Variants in SLC9B1 observed in about 807,000 individuals in gnomAD.
SLC9B1 encodes the protein solute carrier family 9 member B1.
A neutral mutation model predicts 51.7 loss-of-function variants in SLC9B1; 32 were observed. The ratio of observed to expected loss-of-function variants is 0.62; its 90% CI spans 0.47 to 0.83. The LOEUF is 0.83. Among genes scored for constraint, SLC9B1 ranks in the 40% least tolerant of loss-of-function variants. The pLI is 0.00. For missense variants in SLC9B1, 406 were observed against 613.2 expected (o/e 0.66, Z 3.57); for synonymous variants, 145 against 212.7 (o/e 0.68, Z 2.77).
intron 3 of SLC9B1, among the ~76,000 whole-genome samples, chr4:102,959,251 C>T (rs1280279146): frequency 1.3e-5 from 2 of 151,958 alleles, no homozygotes; most frequent in Admixed American, 1.3e-4. Flanking sequence ...CACACACACA[C>T]ACACACATAC....
chr4:102,921,730 T>C (rs1312117073), intron 7 of SLC9B1, among the ~76,000 whole-genome samples: 1 of 151,852 alleles, frequency 6.6e-6, no homozygotes, highest in Admixed American at 6.6e-5. Flanking sequence ...ACCAAACAAA[T>C]GGAAAGCAAA....
chr4:102,907,680 A>AT (rs1165542019), intron 9 of SLC9B1, among the ~76,000 whole-genome samples: 73 of 58,742 alleles, frequency 1.2e-3, no homozygotes, highest in East Asian at 2.2e-3. Flanking sequence ...TGGGTTTAAC[A>AT]TTTTTTTTTT....
rs202121892 is a variant in SLC9B1, at chr4:102,910,685, G to A, written c.937-97C>T. ...TATATTTTTGACCCTCTGATATTAT[G>A]TCTTTAAATGTTATATTAAATGTCT... On this transcript the variant is annotated intron_variant, in intron 8 of 11. Coordinates refer to ENST00000296422, the MANE Select transcript of SLC9B1 (RefSeq NM_139173.4). 7.3e-5 allele frequency: 38 copies of A among 517,192 alleles called. No homozygotes were observed. In the East Asian group the frequency reaches 1.7e-3, roughly 23 times the overall value. The allele number at this position is 517,192 out of a possible 1,614,324, so 32.0% of individuals were successfully genotyped here.
intron 1 of SLC9B1, 58 bp downstream of exon 1, chr4:103,019,541 G>C: frequency 1.0e-6 from 1 of 979,332 alleles, no homozygotes; most frequent in Non-Finnish European, 1.2e-6. Context: ...GATCGCGGCA[G>C]ACCCGGGACT....
chr4:103,000,684 T>G (rs1740472972), intron 1 of SLC9B1, among the ~76,000 whole-genome samples: 1 of 152,238 alleles, frequency 6.6e-6, no homozygotes, highest in Non-Finnish European at 1.5e-5. Flanking sequence ...CAGGGCATGC[T>G]GATGTAAAGG....
At chr4:102,944,383 A>G (rs2110471717) in intron 6 of SLC9B1, among the ~76,000 whole-genome samples, 1 of 152,312 alleles carries the variant, frequency 6.6e-6, no homozygotes, top group South Asian at 2.1e-4. Context: ...GCCGAAATAA[A>G]AATTGGAGAA....
intron 1 of SLC9B1, among the ~76,000 whole-genome samples, chr4:103,007,881 ACTAT>A (rs1401559158): frequency 2.0e-5 from 3 of 152,048 alleles, no homozygotes; most frequent in Non-Finnish European, 4.4e-5. Flanking sequence ...TGGGCATAGT[ACTAT>A]CTGTTTTTCT....
At chr4:102,905,229 A>ATTTATTTATTTATTTATTTATTTT (rs1225802544) in intron 11 of SLC9B1, among the ~76,000 whole-genome samples, 2 of 151,150 alleles carry the variant, frequency 1.3e-5, no homozygotes, top group African/African-American at 4.9e-5. Context: ...TTATTTATTT[A>ATTTATTTATTTATTTATTTATTTT]TTTATTTTTT....
intron 3 of SLC9B1, among the ~76,000 whole-genome samples, chr4:102,977,033 C>T (rs927770322): frequency 4.6e-5 from 7 of 151,830 alleles, no homozygotes; most frequent in African/African-American, 1.7e-4. Flanking sequence ...GCCTGCAGTC[C>T]CAGCTACTCA....
At chr4:102,948,907 C>G (rs1737401852) in intron 4 of SLC9B1, among the ~76,000 whole-genome samples, 1 of 152,072 alleles carries the variant, frequency 6.6e-6, no homozygotes, top group Admixed American at 6.5e-5. Flanking sequence ...CCAAATGTCA[C>G]CATTATGCAA....
At chr4:102,916,181 T>C (rs1735568136) in intron 7 of SLC9B1, among the ~76,000 whole-genome samples, 1 of 152,112 alleles carries the variant, frequency 6.6e-6, no homozygotes, top group Non-Finnish European at 1.5e-5. Flanking sequence ...TCTAAATATA[T>C]ACTATATGCA....
In SLC9B1 at chr4:102,965,866, A is replaced by G. The variant is rs562452014; in HGVS notation, c.212-16439T>C. 6.5e-4 allele frequency among the ~76,000 whole-genome samples: 99 copies of G among 152,302 alleles called. No homozygotes were observed. The South Asian group carries it at 0.014, about 21-fold the overall frequency. On this transcript the variant is annotated intron_variant, in intron 3 of 11. Transcript: ENST00000296422. ...GGCAGACAGTCCCATTCCAAAAGGG[A>G]GAAATAGGCCAAAAGAAGAAAGAGG...
intron 7 of SLC9B1, chr4:102,912,064 CAG>C (rs1167408464): frequency 9.8e-6 from 2 of 204,848 alleles, no homozygotes; most frequent in Non-Finnish European, 2.1e-5. Context: ...ACCCGGGAGG[CAG>C]AGTTTGCAGT....
chr4:102,909,049 G>C (rs1274197155), intron 9 of SLC9B1, among the ~76,000 whole-genome samples: 2 of 152,212 alleles, frequency 1.3e-5, no homozygotes, highest in Non-Finnish European at 2.9e-5. Context: ...TAGAACTAGT[G>C]ATAATATCAA....
At chr4:102,994,037 C>G (rs1348032508) in intron 1 of SLC9B1, among the ~76,000 whole-genome samples, 2 of 152,188 alleles carry the variant, frequency 1.3e-5, no homozygotes, top group East Asian at 3.9e-4. Flanking sequence ...ACAAAGGTCT[C>G]TGAAAATGCC....
At chr4:102,963,085 G>A in intron 3 of SLC9B1, 1 of 410,886 alleles carries the variant, frequency 2.4e-6, no homozygotes, top group Non-Finnish European at 4.9e-6. Flanking sequence ...CAACTACAGA[G>A]AGATTTGAAG....
chr4:103,005,883 A>C (rs1740757623), intron 1 of SLC9B1, among the ~76,000 whole-genome samples: 1 of 152,172 alleles, frequency 6.6e-6, no homozygotes, highest in Non-Finnish European at 1.5e-5. Context: ...GAAATTAAGA[A>C]ATTCTTTGAA....
intron 1 of SLC9B1, among the ~76,000 whole-genome samples, chr4:103,009,136 A>C (rs1740963161): frequency 1.3e-5 from 2 of 152,222 alleles, no homozygotes; most frequent in Non-Finnish European, 2.9e-5. Context: ...CTATTATCTG[A>C]GGGGCATACC....
At chr4:103,002,274 G>A (rs949185727) in intron 1 of SLC9B1, among the ~76,000 whole-genome samples, 1 of 152,124 alleles carries the variant, frequency 6.6e-6, no homozygotes, top group Admixed American at 6.5e-5. Flanking sequence ...TGGAAGAGCT[G>A]AATTAACATC....
Sources: gnomAD v4.1 joint callset for allele counts (sites outside exome capture counted in the v4.1 genomes callset) on GRCh38, gnomAD v4.1.1 for gene constraint, MANE v1.5 for transcripts, NCBI Gene and HGNC (gene_info 2026-07-23, HGNC 2026-07-21) for gene names.